The following STK36 variants were observed in gnomAD, a reference collection of about 807,000 sequenced individuals.
The protein encoded by STK36 is serine/threonine-protein kinase 36.
Under a neutral mutation model 142.2 loss-of-function variants are expected in STK36, and 116 were observed. That is an observed-to-expected ratio of 0.82 (90% CI 0.70 to 0.95). STK36 has a LOEUF of 0.95. STK36 is among the 40% of genes least tolerant of loss of function. STK36 has a pLI of 0.00. For synonymous variants in STK36, 619 were observed against 641.7 expected (o/e 0.96, Z 0.53); for missense variants, 1,422 against 1,617.2 (o/e 0.88, Z 2.07).
Position 218,697,175 on chromosome 2 carries a change from C to G in STK36, c.2723C>G (p.Pro908Arg). ...GGGGAGCTTTCGCTATCCAGTCCACCAAGCCCTGAGCCAGACTGGACACTG... is the reference window on the plus strand; with the variant it reads ...GGGGAGCTTTCGCTATCCAGTCCACGAAGCCCTGAGCCAGACTGGACACTG... ...QEGELSLSSP[P>R]SPEPDWTLIS... The change falls in exon 23 of 27, where the codon CCA becomes CGA. Residue 908 changes from proline (P) to arginine (R), a missense_variant. Pro to Arg is a moderately radical substitution (Grantham distance 103). This residue lies in a region of STK36 where 962 missense variants were observed against 1,167.5 expected (regional missense o/e 0.82). Coordinates refer to ENST00000295709, the MANE Select transcript of STK36 (RefSeq NM_015690.5). 6.2e-7 allele frequency: 1 copy of G among 1,614,092 alleles called. No individual in the cohort carries two copies. The highest frequency in any genetic ancestry group is 1.1e-5 in the South Asian group (1 of 91,042).
At chr2:218,695,265 G>C (rs1402535240) in intron 21 of STK36, among the ~76,000 whole-genome samples, 1 of 92,988 alleles carries the variant, frequency 1.1e-5, no homozygotes, top group Admixed American at 1.8e-4. Flanking sequence ...TTTCACTCTT[G>C]TCCAGGCTGG....
intron 16 of STK36, among the ~76,000 whole-genome samples, chr2:218,692,919 G>A (rs1039122524): frequency 1.3e-5 from 2 of 152,254 alleles, no homozygotes; most frequent in Non-Finnish European, 2.9e-5. Context: ...AGAGAGCACA[G>A]TGATAAACTG....
rs770589844 is a variant in STK36 at position 218,676,279 on chromosome 2, G to A, written c.684+1G>A. On this transcript the variant is annotated splice_donor_variant, in intron 6 of 26. Transcript: ENST00000295709. LOFTEE classifies it high-confidence loss of function. ...CTCAACCATCAGTCCCTGCTTTAAGGTAATGAATATTGAAAGGGAGATGAC... is the reference window on the plus strand; with the variant it reads ...CTCAACCATCAGTCCCTGCTTTAAGATAATGAATATTGAAAGGGAGATGAC... 1.2e-6 allele frequency: 2 copies of A among 1,613,948 alleles called. No individual in the cohort carries two copies. Among genetic ancestry groups the A allele is most frequent in the Non-Finnish European group, 1.7e-6 (2 of 1,179,838 alleles).
At chr2:218,673,395 C>T in intron 2 of STK36, 1 of 546,868 alleles carries the variant, frequency 1.8e-6, no homozygotes, top group Non-Finnish European at 3.1e-6. Context: ...ACACTTCTTC[C>T]AGAAGGGGAA....
rs142614693 is a variant in STK36, at chr2:218,690,934, A to G, written c.1764+379A>G. Among the ~76,000 whole-genome samples, 12 of 152,368 alleles carry G rather than the reference A, an allele frequency of 7.9e-5. No individual in the cohort carries two copies. In the East Asian group the frequency reaches 2.1e-3, roughly 27 times the overall value. ...ATCTCTGCTAGCATTTGAAGAATAC[A>G]TCGCAGTTTGCCACGTAAATGAGGC... On this transcript the variant is annotated intron_variant, in intron 14 of 26. Coordinates refer to ENST00000295709, the MANE Select transcript of STK36 (RefSeq NM_015690.5).
In STK36 at chr2:218,694,729, G is replaced by A; in HGVS notation, c.2511+94G>A. The A allele has an allele frequency of 9.3e-7, 1 of 1,070,496 alleles. No individual in the cohort carries two copies. Among genetic ancestry groups the A allele is most frequent in the Non-Finnish European group, 1.4e-6 (1 of 714,974 alleles). 66.3% of individuals were successfully genotyped at this position (1,070,496 alleles called of 1,614,324 possible). A position where few individuals can be genotyped will look rare whatever the true frequency, so the allele number is the denominator to read the frequency against. On this transcript the variant is annotated intron_variant, in intron 21 of 26. Coordinates refer to ENST00000295709, the MANE Select transcript of STK36 (RefSeq NM_015690.5). This position sits in a 1 kb window ranked among gnomAD's most constrained non-coding sequence, Gnocchi z 4.4. ...AAAAGACTGAAATGCCAGCAAGCCT[G>A]GAGTAAACTGAGGAATGGAAAAGGA...
intron 3 of STK36, 26 bp downstream of exon 3, chr2:218,673,791 G>A (rs780939590): frequency 6.1e-5 from 98 of 1,613,410 alleles, no homozygotes; most frequent in Non-Finnish European, 7.9e-5. Flanking sequence ...TTTGGGCCCT[G>A]TCTCCCCAAG....
chr2:218,673,659 G>T lies in STK36; in HGVS notation c.119G>T (p.Arg40Leu), dbSNP rs758324141. 3.1e-6 allele frequency: 5 copies of T among 1,613,964 alleles called. No individual in the cohort carries two copies. The East Asian group carries it at 6.7e-5, about 22-fold the overall frequency. ...VALKFIPKLG[R>L]SEKELRNLQR... is the part of the protein sequence containing the mutation. ...CTGAAGTTCATCCCAAAATTGGGGC[G>T]CTCAGAGAAGGAGCTGAGGAATTTG... Residue 40 changes from arginine (R) to leucine (L), a missense_variant, in exon 3 of 27, where the codon CGC becomes CTC. Around this residue, in one of 2 missense-constraint regions of STK36, gnomAD observed 460 missense variants for 449.6 expected, o/e 1.02. Transcript: ENST00000295709.
intron 7 of STK36, 135 bp from the exon 8 acceptor site, chr2:218,679,425 C>A: frequency 7.7e-7 from 1 of 1,305,218 alleles, no homozygotes; most frequent in Non-Finnish European, 1.1e-6. Flanking sequence ...CCCTTACAAC[C>A]CACTCTCTCT....
chr2:218,699,499 A>G (rs1017137226), intron 26 of STK36, 151 bp downstream of exon 26: 1 of 1,234,428 alleles, frequency 8.1e-7, no homozygotes, highest in Non-Finnish European at 1.1e-6. Flanking sequence ...TGAGTTTTCT[A>G]GTTACATCTC....
In STK36 at chr2:218,696,520, C is replaced by T; in HGVS notation, c.2512-7C>T. ...GCACCTGCATTCTTCATGTTTCTCTCTGACAGGTTCGGTTGACTCCACCAG... is the reference window on the plus strand; with the variant it reads ...GCACCTGCATTCTTCATGTTTCTCTTTGACAGGTTCGGTTGACTCCACCAG... On this transcript the variant is annotated splice_polypyrimidine_tract_variant and splice_region_variant and intron_variant, in intron 21 of 26. Transcript: ENST00000295709. 2 of 1,613,970 alleles carry T rather than the reference C, an allele frequency of 1.2e-6. No individual in the cohort carries two copies. The highest frequency in any genetic ancestry group is 1.7e-6 in the Non-Finnish European group (2 of 1,179,818).
rs996401633 is a variant in STK36, at chr2:218,694,067, A to G, written c.2336+84A>G. 31 of 1,387,294 alleles carry G rather than the reference A, an allele frequency of 2.2e-5. No individual in the cohort carries two copies. Among genetic ancestry groups the G allele is most frequent in the Non-Finnish European group, 3.0e-5 (29 of 975,760 alleles). 85.9% of individuals were successfully genotyped at this position (1,387,294 alleles called of 1,614,324 possible). On this transcript the variant is annotated intron_variant, in intron 19 of 26. Transcript: ENST00000295709. This position sits in a 1 kb window ranked among gnomAD's most constrained non-coding sequence, Gnocchi z 4.4. ...CAAAGAGTATGGGGAATGGTACCCT[A>G]CAGCATATCCTTAGGAGGAATTGGG...
In STK36 at chr2:218,684,771, G is replaced by A. The variant is rs1322790117; in HGVS notation, c.1237-314G>A. On this transcript the variant is annotated intron_variant, in intron 10 of 26. Coordinates refer to ENST00000295709, the MANE Select transcript of STK36 (RefSeq NM_015690.5). ...GTATTTTCTAATATGGATGGACCCT[G>A]GTTTATTATTCCCTTAGTGACTGAC... The A allele has an allele frequency of 1.8e-5, 4 of 226,464 alleles. No homozygotes were observed. In the South Asian group the frequency reaches 4.7e-4, roughly 26 times the overall value. The allele number at this position is 226,464 out of a possible 1,614,324, so 14.0% of individuals were successfully genotyped here.
intron 15 of STK36, 83 bp downstream of exon 15, chr2:218,692,376 A>G: frequency 3.2e-6 from 5 of 1,570,844 alleles, no homozygotes; most frequent in Non-Finnish European, 4.3e-6. Context: ...CATCACCTAG[A>G]TCGCACCTGG....
chr2:218,672,742 C>T lies in STK36; in HGVS notation c.-88C>T. 7.6e-7 allele frequency: 1 copy of T among 1,315,084 alleles called. No individual in the cohort carries two copies. Among genetic ancestry groups the T allele is most frequent in the Non-Finnish European group, 1.1e-6 (1 of 922,988 alleles). 81.5% of individuals were successfully genotyped at this position (1,315,084 alleles called of 1,614,324 possible). ...TTTCCTTTCCCGTGCCCCAACTAGG[C>T]GTCCCAGATGTTGTGGAACTGTCCC... On this transcript the variant is annotated splice_region_variant and 5_prime_UTR_variant, in exon 2 of 27. Transcript: ENST00000295709.
intron 13 of STK36, 70 bp from the exon 14 acceptor site, chr2:218,690,380 C>A: frequency 7.9e-7 from 1 of 1,264,390 alleles, no homozygotes; most frequent in Non-Finnish European, 1.2e-6. Flanking sequence ...CTGCCCAGGA[C>A]TGACCCATTC....
chr2:218,688,746 G>A lies in STK36; in HGVS notation c.1430G>A (p.Arg477Gln), dbSNP rs926816132. The A allele has an allele frequency of 1.2e-5, 19 of 1,613,864 alleles. No homozygotes were observed. The Middle Eastern group carries it at 6.6e-4, about 56-fold the overall frequency. Reference sequence around the variant, plus strand: ...GCTTCCCACATCCTGCCTGCATTCCGGGTCCTGAGCAGTCTTCTCTCCAGC... The same window carrying A: ...GCTTCCCACATCCTGCCTGCATTCCAGGTCCTGAGCAGTCTTCTCTCCAGC... Reference protein sequence around the residue: ...EGASHILPAFRVLSSLLSSCS... With the variant: ...EGASHILPAFQVLSSLLSSCS... Residue 477 changes from arginine (R) to glutamine (Q), a missense_variant, in exon 12 of 27, where the codon CGG becomes CAG. By Grantham distance (43) the Arg-to-Gln change is conservative (BLOSUM62 1). This residue lies in a region of STK36 where 962 missense variants were observed against 1,167.5 expected (regional missense o/e 0.82). Coordinates refer to ENST00000295709, the MANE Select transcript of STK36 (RefSeq NM_015690.5).
At chr2:218,675,320 T>C (rs1418862179) in intron 4 of STK36, 23 bp from the exon 5 acceptor site, 1 of 1,597,100 alleles carries the variant, frequency 6.3e-7, no homozygotes, top group African/African-American at 1.3e-5. Context: ...TTTTTTTCTT[T>C]CTTCCACCTC....
chr2:218,697,637 A>G, intron 24 of STK36, 27 bp downstream of exon 24: 1 of 1,613,144 alleles, frequency 6.2e-7, no homozygotes. Flanking sequence ...AGAGAGCCAC[A>G]GAGTCAGCAA....
Sources: allele counts gnomAD v4.1 joint callset (sites outside exome capture counted in the v4.1 genomes callset), GRCh38; gene constraint gnomAD v4.1.1; regional missense constraint gnomAD v4.1.1; non-coding constraint Gnocchi (gnomAD v3.1); transcripts MANE v1.5; gene names NCBI Gene and HGNC (gene_info 2026-07-23, HGNC 2026-07-21).